The following STAB2 variants were observed in gnomAD, a reference collection of about 807,000 sequenced individuals.
STAB2 encodes stabilin 2.
Under a neutral mutation model 338.1 loss-of-function variants are expected in STAB2, and 288 were observed. That is an observed-to-expected ratio of 0.85 (90% CI 0.77 to 0.94). STAB2 has a LOEUF of 0.94. Ranked by LOEUF, STAB2 falls within the 40% of genes least tolerant of loss-of-function variation. The pLI is 0.00. For synonymous variants in STAB2, 1,202 were observed against 1,193.3 expected, an observed-to-expected ratio of 1.01 and a Z score of -0.15; for missense variants, 3,141 against 3,210.1, an observed-to-expected ratio of 0.98 and a Z score of 0.52.
At chr12:103,641,267 T>C (rs1872906689) in intron 9 of STAB2, among the ~76,000 whole-genome samples, 1 of 152,178 alleles carries the variant, frequency 6.6e-6, no homozygotes, top group Admixed American at 6.5e-5. Flanking sequence ...GACAAATAAA[T>C]AGATCTGTAC....
chr12:103,587,440 C>A lies in STAB2; in HGVS notation c.-37C>A. ...AGTTAAAATAGCTAAGTCAGCCTGA[C>A]AGGTGCTTGGCACAGAGAAGGAGCA... On this transcript the variant is annotated 5_prime_UTR_variant, in exon 1 of 69. Transcript: ENST00000388887. 2 of 1,554,854 alleles carry A rather than the reference C, an allele frequency of 1.3e-6. No homozygotes were observed. The highest frequency in any genetic ancestry group is 1.8e-6 in the Non-Finnish European group (2 of 1,130,272).
chr12:103,675,628 CT>C (rs1876264842), intron 23 of STAB2, among the ~76,000 whole-genome samples: 1 of 152,230 alleles, frequency 6.6e-6, no homozygotes, highest in Non-Finnish European at 1.5e-5. Flanking sequence ...CTCATTTAAC[CT>C]TCAGCCTTAT....
intron 3 of STAB2, among the ~76,000 whole-genome samples, chr12:103,608,336 G>T (rs1231107175): frequency 6.6e-6 from 1 of 152,082 alleles, no homozygotes; most frequent in Non-Finnish European, 1.5e-5. Flanking sequence ...TGGAGACAGG[G>T]TTTCACCGTG....
chr12:103,697,881 C>G (rs1878536236), intron 33 of STAB2, among the ~76,000 whole-genome samples: 1 of 152,138 alleles, frequency 6.6e-6, no homozygotes, highest in Non-Finnish European at 1.5e-5. Context: ...GAAGGGGTCA[C>G]TATTCAGCTG....
In STAB2 at chr12:103,749,504, A is replaced by C. The variant is rs182448093; in HGVS notation, c.6438+348A>C. Among the ~76,000 whole-genome samples the C allele has an allele frequency of 3.2e-3, 485 of 152,120 alleles. 2 individuals are homozygous for C. The highest frequency in any genetic ancestry group is 0.011 in the African/African-American group (459 of 41,484). On this transcript the variant is annotated intron_variant, in intron 59 of 68. Transcript: ENST00000388887. ...TTGCTCTTTGGCCACCCTTCTATCT[A>C]TCTAAAATTATCCTAAATAAAAGGC...
chr12:103,660,470 A>G, intron 16 of STAB2, 86 bp downstream of exon 16: 1 of 1,506,274 alleles, frequency 6.6e-7, no homozygotes, highest in Non-Finnish European at 9.2e-7. Context: ...TGACGCTAGA[A>G]AATGTCCTTT....
chr12:103,745,839 G>A (rs1882985578), intron 57 of STAB2, among the ~76,000 whole-genome samples: 1 of 152,218 alleles, frequency 6.6e-6, no homozygotes, highest in Non-Finnish European at 1.5e-5. Flanking sequence ...ACAAGCAGCT[G>A]CCATTATCAC....
chr12:103,746,116 C>T (rs1258099048), intron 57 of STAB2, among the ~76,000 whole-genome samples: 2 of 152,132 alleles, frequency 1.3e-5, no homozygotes, highest in African/African-American at 4.8e-5. Context: ...CCTCCTCCCT[C>T]CTCCCCTAAG....
chr12:103,681,999 C>T (rs774657620), intron 25 of STAB2, among the ~76,000 whole-genome samples: 6 of 152,072 alleles, frequency 3.9e-5, no homozygotes, highest in Non-Finnish European at 8.8e-5. Flanking sequence ...AATAAGGTTG[C>T]ATTCTGAGGT....
At chr12:103,611,752 T>C (rs1207325207) in intron 3 of STAB2, among the ~76,000 whole-genome samples, 3 of 152,204 alleles carry the variant, frequency 2.0e-5, no homozygotes, top group Non-Finnish European at 4.4e-5. Flanking sequence ...GTTATTTTGC[T>C]CGTTAGTTGA....
chr12:103,684,149 A>C (rs558128505), intron 26 of STAB2, among the ~76,000 whole-genome samples: 51 of 152,084 alleles, frequency 3.4e-4, no homozygotes, highest in Non-Finnish European at 7.2e-4. Flanking sequence ...TCATTCCCCG[A>C]ACTTGTAGTG....
Position 103,603,629 on chromosome 12 carries a change from G to A in STAB2, c.331+9119G>A, listed in dbSNP as rs1956986157. 1.3e-5 allele frequency among the ~76,000 whole-genome samples: 2 copies of A among 152,128 alleles called. 1 individual carries two copies. Among genetic ancestry groups the A allele is most frequent in the South Asian group, 4.1e-4 (2 of 4,822 alleles). On this transcript the variant is annotated intron_variant, in intron 3 of 68. Coordinates refer to ENST00000388887, the MANE Select transcript of STAB2 (RefSeq NM_017564.10). The stretch of plus-strand genomic sequence containing the variant: ...CTTGATTACTATGGTGTTACAGTAA[G>A]CCTTAAAATGAAGTAGTGTAAGTCC...
intron 44 of STAB2, among the ~76,000 whole-genome samples, chr12:103,724,129 T>A (rs1379222287): frequency 6.6e-6 from 1 of 152,174 alleles, no homozygotes; most frequent in East Asian, 1.9e-4. Context: ...TAAAGGATTA[T>A]GGATACTATG....
At chr12:103,697,973 G>T (rs1182593079) in intron 33 of STAB2, among the ~76,000 whole-genome samples, 1 of 152,184 alleles carries the variant, frequency 6.6e-6, no homozygotes, top group Non-Finnish European at 1.5e-5. Context: ...GGCATTGCCT[G>T]GCTGGTGTCT....
chr12:103,758,135 G>T, intron 63 of STAB2, 35 bp from the exon 64 acceptor site: 1 of 1,613,326 alleles, frequency 6.2e-7, no homozygotes, highest in East Asian at 2.2e-5. Flanking sequence ...GCACACCAGG[G>T]CTGGCCCCTC....
chr12:103,696,307 C>T (rs1427461710), intron 33 of STAB2, among the ~76,000 whole-genome samples: 1 of 152,086 alleles, frequency 6.6e-6, no homozygotes, highest in Non-Finnish European at 1.5e-5. Flanking sequence ...GTGCCACCCC[C>T]ATCTTATTAA....
At chr12:103,654,722 A>C (rs747832202) in intron 13 of STAB2, 24 bp downstream of exon 13, 1 of 1,610,118 alleles carries the variant, frequency 6.2e-7, no homozygotes, top group Admixed American at 1.7e-5. Flanking sequence ...TAAAAGTCAC[A>C]TCAGGCCAGG....
chr12:103,761,342 G>A lies in STAB2; in HGVS notation c.7291G>A (p.Asp2431Asn). 6.2e-7 allele frequency: 1 copy of A among 1,614,050 alleles called. No homozygotes were observed. The highest frequency in any genetic ancestry group is 1.7e-5 in the Admixed American group (1 of 60,014). ...TGATGGAAGAGCCATTCTGCAGTGG[G>A]ACATCTTTGCCTCCAATGGGATCAT... ...FVDGRAILQW[D>N]IFASNGIIHV... The change falls in exon 66 of 69, where the codon GAC becomes AAC. Residue 2431 changes from aspartate (D) to asparagine (N), a missense_variant. Coordinates refer to ENST00000388887, the MANE Select transcript of STAB2 (RefSeq NM_017564.10).
rs545540967 is a variant in STAB2, at chr12:103,590,945, C to T, written c.130C>T (p.Arg44Ter). The change falls in exon 2 of 69, where the codon CGA (arginine) becomes TGA (stop). Residue 44 changes from arginine to a stop codon, truncating the protein, a stop_gained. Coordinates refer to ENST00000388887, the MANE Select transcript of STAB2 (RefSeq NM_017564.10). LOFTEE classifies it high-confidence loss of function. ...TCTTCTTACAATTAGGACCGAGTGC[C>T]GATCCTGCGCTCTCAACCTTGGAGT... The part of the protein sequence containing the change: ...KSLLTIRTEC[R>*]SCALNLGVKC... The T allele has an allele frequency of 1.1e-5, 17 of 1,614,036 alleles. No individual in the cohort carries two copies. Among genetic ancestry groups the T allele is most frequent in the African/African-American group, 5.3e-5 (4 of 75,000 alleles).
Sources: allele counts gnomAD v4.1 joint callset (sites outside exome capture counted in the v4.1 genomes callset), GRCh38; gene constraint gnomAD v4.1.1; transcripts MANE v1.5; gene names NCBI Gene and HGNC (gene_info 2026-07-23, HGNC 2026-07-21).